The following BMPR1B variants were observed in gnomAD, a reference collection of about 807,000 sequenced individuals.
The protein encoded by BMPR1B is bone morphogenetic protein receptor type 1B.
Under a neutral mutation model 59.1 loss-of-function variants are expected in BMPR1B, and 12 were observed. The observed-to-expected ratio is 0.20, with a 90% confidence interval of 0.13 to 0.33. The LOEUF (loss-of-function observed/expected upper bound fraction) is 0.33. Among genes scored for constraint, BMPR1B ranks in the 10% least tolerant of loss-of-function variants. The probability of loss-of-function intolerance (pLI) is 1.00; values close to 1 mark genes in which losing one functional copy is unlikely to be tolerated. For synonymous variants in BMPR1B, 237 were observed against 207.3 expected (o/e 1.14, Z -1.23); for missense variants, 550 against 610.9 (o/e 0.90, Z 1.05).
chr4:94,807,331 A>T (rs2110632485), intron 1 of BMPR1B, among the ~76,000 whole-genome samples: 1 of 152,240 alleles, frequency 6.6e-6, no homozygotes, highest in East Asian at 1.9e-4. Flanking sequence ...GAGCTCAAGC[A>T]ATCTGCCCAC....
At position 94,980,329 on chromosome 4, in the gene BMPR1B, C is replaced by T. The variant is rs191986338; in HGVS notation, c.-112-15711C>T. ...AAGTTCCAAATAGGATTACTTATTT[C>T]ATGTTGTAGCCCTAATTTTGCCTCA... On this transcript the variant is annotated intron_variant, in intron 2 of 12. Coordinates refer to ENST00000515059, the MANE Select transcript of BMPR1B (RefSeq NM_001203.3). Among the ~76,000 whole-genome samples, 31 of 152,294 alleles carry T rather than the reference C, an allele frequency of 2.0e-4. No homozygotes were observed. The South Asian group carries it at 2.3e-3, about 11-fold the overall frequency.
At chr4:94,915,556 C>T (rs573855366) in intron 2 of BMPR1B, among the ~76,000 whole-genome samples, 3 of 152,090 alleles carry the variant, frequency 2.0e-5, no homozygotes, top group Non-Finnish European at 4.4e-5. Context: ...TTCATCTTTT[C>T]TGTAATAATA....
At chr4:94,988,118 C>A (rs896553093) in intron 2 of BMPR1B, among the ~76,000 whole-genome samples, 1 of 151,918 alleles carries the variant, frequency 6.6e-6, no homozygotes, top group Non-Finnish European at 1.5e-5. Context: ...AGAACTGCAG[C>A]CTTTTTAAAA....
intron 1 of BMPR1B, among the ~76,000 whole-genome samples, chr4:94,790,226 C>A (rs1390324850): frequency 6.6e-6 from 1 of 151,982 alleles, no homozygotes; most frequent in African/African-American, 2.4e-5. Context: ...GCCTCTAACC[C>A]CCGCATTGTT....
At chr4:95,039,392 G>A (rs1725486678) in intron 3 of BMPR1B, among the ~76,000 whole-genome samples, 1 of 148,262 alleles carries the variant, frequency 6.7e-6, no homozygotes, top group South Asian at 2.1e-4. Context: ...ATTAAATGAA[G>A]TTTGTACATG....
intron 2 of BMPR1B, among the ~76,000 whole-genome samples, chr4:94,878,849 T>G (rs1226788772): frequency 6.6e-6 from 1 of 152,018 alleles, no homozygotes; most frequent in Non-Finnish European, 1.5e-5. Flanking sequence ...AGTTTATTAC[T>G]AATTTGTGTG....
intron 3 of BMPR1B, among the ~76,000 whole-genome samples, chr4:95,013,241 A>G (rs1723349733): frequency 6.6e-6 from 1 of 152,134 alleles, no homozygotes; most frequent in Non-Finnish European, 1.5e-5. Flanking sequence ...AAAGTTCTAG[A>G]ATTTTATTTT....
At chr4:94,884,405 A>G (rs996557000) in intron 2 of BMPR1B, among the ~76,000 whole-genome samples, 3 of 152,106 alleles carry the variant, frequency 2.0e-5, no homozygotes, top group Non-Finnish European at 4.4e-5. Context: ...AGGAGCTTGT[A>G]ATTCCAGCTG....
At chr4:95,045,575 GC>G (rs1237382125) in intron 3 of BMPR1B, among the ~76,000 whole-genome samples, 1 of 152,054 alleles carries the variant, frequency 6.6e-6, no homozygotes, top group Non-Finnish European at 1.5e-5. Context: ...GGATTCCTTT[GC>G]CTTCCCTTCA....
intron 1 of BMPR1B, among the ~76,000 whole-genome samples, chr4:94,870,388 G>A (rs2148967009): frequency 7.1e-6 from 1 of 141,584 alleles, no homozygotes; most frequent in African/African-American, 3.2e-5. Flanking sequence ...TGCCAAGAGA[G>A]AGAGAGAGTT....
chr4:94,804,964 T>C (rs1723551010), intron 1 of BMPR1B, among the ~76,000 whole-genome samples: 1 of 152,228 alleles, frequency 6.6e-6, no homozygotes, highest in South Asian at 2.1e-4. Flanking sequence ...AATTCTGGAA[T>C]TCATTATAGA....
intron 4 of BMPR1B, among the ~76,000 whole-genome samples, chr4:95,107,931 A>G (rs546749764): frequency 1.3e-5 from 2 of 152,146 alleles, no homozygotes; most frequent in South Asian, 2.1e-4. Context: ...CCTAAGACCT[A>G]TATAAATCCA....
intron 3 of BMPR1B, among the ~76,000 whole-genome samples, chr4:95,025,577 T>C (rs1379794583): frequency 6.6e-6 from 1 of 152,188 alleles, no homozygotes; most frequent in Non-Finnish European, 1.5e-5. Context: ...ACTTGGCATT[T>C]TGCACATGAA....
At chr4:95,131,190 A>G in intron 9 of BMPR1B, 25 bp from the exon 10 acceptor site, 1 of 1,606,354 alleles carries the variant, frequency 6.2e-7, no homozygotes, top group Non-Finnish European at 8.5e-7. Flanking sequence ...AAAACACTAA[A>G]CCTTTTCATC....
At chr4:95,082,535 A>G (rs1239087590) in intron 3 of BMPR1B, among the ~76,000 whole-genome samples, 1 of 152,146 alleles carries the variant, frequency 6.6e-6, no homozygotes, top group African/African-American at 2.4e-5. Context: ...GTAATAGGGG[A>G]TAAATGATTA....
At chr4:95,069,903 C>T (rs1728145019) in intron 3 of BMPR1B, among the ~76,000 whole-genome samples, 1 of 152,154 alleles carries the variant, frequency 6.6e-6, no homozygotes, top group African/African-American at 2.4e-5. Context: ...AGTTCGTGAC[C>T]AGCCTGACCA....
chr4:95,081,254 A>T (rs866425519), intron 3 of BMPR1B, among the ~76,000 whole-genome samples: 3 of 152,136 alleles, frequency 2.0e-5, no homozygotes, highest in Non-Finnish European at 2.9e-5. Flanking sequence ...TTCCTTTATA[A>T]ATTACCCAGT....
chr4:95,075,361 A>G (rs1239493378), intron 3 of BMPR1B, among the ~76,000 whole-genome samples: 1 of 152,160 alleles, frequency 6.6e-6, no homozygotes, highest in Non-Finnish European at 1.5e-5. Context: ...GGCAGTTAAT[A>G]GTGAATCTAT....
chr4:94,941,807 T>G (rs916363268), intron 2 of BMPR1B, among the ~76,000 whole-genome samples: 1 of 152,236 alleles, frequency 6.6e-6, no homozygotes, highest in Non-Finnish European at 1.5e-5. Flanking sequence ...CTTAAAATTA[T>G]TGATGCTGAG....
Sources: allele counts gnomAD v4.1 joint callset (sites outside exome capture counted in the v4.1 genomes callset), GRCh38; gene constraint gnomAD v4.1.1; transcripts MANE v1.5; gene names NCBI Gene and HGNC (gene_info 2026-07-23, HGNC 2026-07-21).